Variants in CHST9 observed in about 807,000 individuals in gnomAD.
CHST9 encodes the protein carbohydrate sulfotransferase 9.
In CHST9, 41 loss-of-function variants were observed where a neutral mutation model predicts 44.4. The ratio of observed to expected loss-of-function variants is 0.92; its 90% CI spans 0.72 to 1.20. The LOEUF (loss-of-function observed/expected upper bound fraction) is 1.20. CHST9 is among the 50% of genes most tolerant of loss of function. The probability of loss-of-function intolerance (pLI) is 0.00; values close to 1 mark genes in which losing one functional copy is unlikely to be tolerated. For synonymous variants in CHST9, 171 were observed against 178.4 expected (o/e 0.96, Z 0.33); for missense variants, 504 against 516.5 (o/e 0.98, Z 0.23).
At chr18:27,066,921 T>A (rs889460600) in intron 2 of CHST9, among the ~76,000 whole-genome samples, 1 of 152,142 alleles carries the variant, frequency 6.6e-6, no homozygotes, top group Non-Finnish European at 1.5e-5. Context: ...GTCTTACTAG[T>A]GATTATTTTT....
chr18:27,113,814 G>T (rs140122776), intron 2 of CHST9, among the ~76,000 whole-genome samples: 1 of 152,120 alleles, frequency 6.6e-6, no homozygotes, highest in Non-Finnish European at 1.5e-5. Context: ...AGACATAACC[G>T]TTGCTGGTCA....
chr18:27,075,134 G>A (rs1226284205), intron 2 of CHST9, among the ~76,000 whole-genome samples: 1 of 150,182 alleles, frequency 6.7e-6, no homozygotes, highest in Non-Finnish European at 1.5e-5. Flanking sequence ...GCTCTTATGA[G>A]AGGGTTTTGG....
intron 2 of CHST9, among the ~76,000 whole-genome samples, chr18:27,126,346 A>G: frequency 6.6e-6 from 1 of 152,190 alleles, no homozygotes; most frequent in East Asian, 1.9e-4. Flanking sequence ...ATGCAATGGT[A>G]CAATGTTCCC....
At chr18:26,948,916 A>G (rs1487035727) in intron 4 of CHST9, among the ~76,000 whole-genome samples, 1 of 152,120 alleles carries the variant, frequency 6.6e-6, no homozygotes, top group Non-Finnish European at 1.5e-5. Flanking sequence ...GGCTTATGTA[A>G]TACACGCATA....
intron 5 of CHST9, among the ~76,000 whole-genome samples, chr18:26,942,555 A>G (rs1354536719): frequency 6.6e-6 from 1 of 152,154 alleles, no homozygotes; most frequent in East Asian, 1.9e-4. Context: ...CTAAACGTAA[A>G]AAGAAGCTAA....
intron 2 of CHST9, among the ~76,000 whole-genome samples, chr18:27,069,572 T>C (rs180794550): frequency 2.0e-5 from 3 of 152,344 alleles, no homozygotes; most frequent in Admixed American, 2.0e-4. Flanking sequence ...TCTTGATGGA[T>C]TGCAGATGCC....
chr18:27,179,685 CTG>C (rs1322922651), intron 1 of CHST9, among the ~76,000 whole-genome samples: 1 of 152,014 alleles, frequency 6.6e-6, no homozygotes, highest in African/African-American at 2.4e-5. Context: ...GCATATCAAA[CTG>C]TATAACCTGG....
At chr18:27,154,500 C>G (rs73406638) in intron 1 of CHST9, among the ~76,000 whole-genome samples, 3,124 of 151,992 alleles carry the variant, frequency 0.021, 98 homozygotes, top group African/African-American at 0.07. Flanking sequence ...ATCAGCTTTA[C>G]TTTTGGGGAA....
chr18:27,142,584 G>T, intron 2 of CHST9, 105 bp downstream of exon 2: 1 of 823,308 alleles, frequency 1.2e-6, no homozygotes, highest in Non-Finnish European at 1.7e-6. Context: ...TTTTGTTGTT[G>T]AAAATATTGT....
At chr18:27,068,669 C>T (rs1485817) in intron 2 of CHST9, among the ~76,000 whole-genome samples, 16,472 of 152,138 alleles carry the variant, frequency 0.11, 996 homozygotes, top group East Asian at 0.32. Flanking sequence ...ACCCTATATT[C>T]ATTCACATAG....
chr18:26,959,383 G>A (rs1240219729), intron 4 of CHST9, among the ~76,000 whole-genome samples: 2 of 152,196 alleles, frequency 1.3e-5, no homozygotes, highest in Non-Finnish European at 2.9e-5. Flanking sequence ...CAGTATCTGG[G>A]TGATGGGATC....
chr18:27,121,512 A>C (rs1168864962), intron 2 of CHST9, among the ~76,000 whole-genome samples: 5 of 152,224 alleles, frequency 3.3e-5, no homozygotes, highest in African/African-American at 1.2e-4. Flanking sequence ...GCTGGTACAT[A>C]GGTTAGCAGA....
intron 2 of CHST9, among the ~76,000 whole-genome samples, chr18:27,073,932 T>C (rs769471917): frequency 6.6e-5 from 10 of 152,184 alleles, no homozygotes; most frequent in Non-Finnish European, 1.3e-4. Flanking sequence ...TTATTTTTTG[T>C]AATCTTAGTT....
At position 26,925,606 on chromosome 18, in the gene CHST9, G is replaced by C. The variant is rs544162185; in HGVS notation, c.241-8256C>G. Among the ~76,000 whole-genome samples, 718 of 152,294 alleles carry C rather than the reference G, an allele frequency of 4.7e-3. 3 individuals are homozygous for C. Among genetic ancestry groups the C allele is most frequent in the Non-Finnish European group, 8.3e-3 (567 of 68,028 alleles). On this transcript the variant is annotated intron_variant, in intron 5 of 5. Transcript: ENST00000618847. ...ATGGTCGTTAAGAACATGGATTTTT[G>C]AGTCAGACAGAACTGGTTATGTGTC...
At chr18:26,983,227 T>A (rs1384194134) in intron 4 of CHST9, among the ~76,000 whole-genome samples, 1 of 152,210 alleles carries the variant, frequency 6.6e-6, no homozygotes, top group Non-Finnish European at 1.5e-5. Context: ...CAGAATGACC[T>A]GCAGAACTTA....
chr18:27,134,606 A>C (rs1369514448), intron 2 of CHST9, among the ~76,000 whole-genome samples: 2 of 152,204 alleles, frequency 1.3e-5, no homozygotes, highest in Admixed American at 6.5e-5. Context: ...GAGTATTTTC[A>C]GGCAAAATAA....
At chr18:27,085,647 AG>A (rs890592136) in intron 2 of CHST9, among the ~76,000 whole-genome samples, 4 of 152,176 alleles carry the variant, frequency 2.6e-5, no homozygotes, top group African/African-American at 9.6e-5. Context: ...GTGGAGAAAA[AG>A]GAACATTTAT....
At chr18:27,024,635 A>G (rs1345987461) in intron 3 of CHST9, among the ~76,000 whole-genome samples, 1 of 152,254 alleles carries the variant, frequency 6.6e-6, no homozygotes. Flanking sequence ...TGCCATGTAC[A>G]GCTCCTGGCA....
Position 27,162,955 on chromosome 18 carries a change from G to A in CHST9, c.-96-20050C>T, listed in dbSNP as rs369634828. Among the ~76,000 whole-genome samples the A allele has an allele frequency of 2.0e-3, 301 of 152,148 alleles. 7 individuals are homozygous for A. The South Asian group carries it at 0.054, about 27-fold the overall frequency. Reference sequence around the variant, plus strand: ...CATCTTTGTGGTTTTATCTACCTTTGGTCTTTGATGATGGTGACGTACAGA... The same window carrying A: ...CATCTTTGTGGTTTTATCTACCTTTAGTCTTTGATGATGGTGACGTACAGA... On this transcript the variant is annotated intron_variant, in intron 1 of 5. Transcript: ENST00000618847.
Sources: gnomAD v4.1 joint callset for allele counts (sites outside exome capture counted in the v4.1 genomes callset) on GRCh38, gnomAD v4.1.1 for gene constraint, MANE v1.5 for transcripts, NCBI Gene and HGNC (gene_info 2026-07-23, HGNC 2026-07-21) for gene names.